Variants in SCHIP1 observed in about 807,000 individuals in gnomAD.
SCHIP1 encodes the protein schwannomin interacting protein 1, also known as schwannomin-interacting protein 1.
SCHIP1 carries 8 observed loss-of-function variants against 29.7 expected under a neutral mutation model. The observed-to-expected ratio is 0.27, with a 90% CI of 0.16 to 0.49. The LOEUF (loss-of-function observed/expected upper bound fraction) is 0.49, where lower values mean the gene tolerates loss of function less well. Among genes scored for constraint, SCHIP1 ranks in the 20% least tolerant of loss-of-function variants. The pLI, the probability that SCHIP1 is intolerant of heterozygous loss-of-function variation, is 0.99. For synonymous variants in SCHIP1, 76 were observed against 94.9 expected, an observed-to-expected ratio of 0.80 and a Z score of 1.16; for missense variants, 193 against 294.6, an observed-to-expected ratio of 0.66 and a Z score of 2.52.
At chr3:159,485,258 G>A in the SCHIP1 span, among the ~76,000 whole-genome samples, 4 of 152,192 alleles carry the variant, frequency 2.6e-5, no homozygotes, top group African/African-American at 9.6e-5. Context: ...GGTCAGGTCC[G>A]TAGTGGCTCA....
At chr3:159,422,224 T>C in the SCHIP1 span, among the ~76,000 whole-genome samples, 1 of 152,186 alleles carries the variant, frequency 6.6e-6, no homozygotes, top group South Asian at 2.1e-4. Flanking sequence ...AATGGATTGC[T>C]AGGTAGGAAA....
At chr3:159,703,685 T>G in the SCHIP1 span, among the ~76,000 whole-genome samples, 1 of 152,210 alleles carries the variant, frequency 6.6e-6, no homozygotes. Flanking sequence ...GTGGATGGCT[T>G]CCACTTAGGC....
the SCHIP1 span, among the ~76,000 whole-genome samples, chr3:159,419,305 A>C: frequency 9.9e-5 from 15 of 152,138 alleles, no homozygotes; most frequent in Admixed American, 9.8e-4. Flanking sequence ...GCTGTGTGTG[A>C]AGCACCTAGC....
the SCHIP1 span, chr3:159,274,298 A>C: frequency 8.1e-6 from 8 of 984,898 alleles, no homozygotes; most frequent in Non-Finnish European, 9.6e-6. Flanking sequence ...TCAGTGTTAA[A>C]CTTTTTCAAT....
chr3:159,381,577 ATCATCATT>A, the SCHIP1 span, among the ~76,000 whole-genome samples: 1 of 151,878 alleles, frequency 6.6e-6, no homozygotes, highest in African/African-American at 2.4e-5. Context: ...GGTCTCAGCC[ATCATCATT>A]TCTCACCTGG....
chr3:159,822,904 C>T, the SCHIP1 span, among the ~76,000 whole-genome samples: 2 of 151,798 alleles, frequency 1.3e-5, no homozygotes, highest in Non-Finnish European at 2.9e-5. Flanking sequence ...ATCCAACAGG[C>T]TGTTTGGCAA....
chr3:159,512,589 A>C, the SCHIP1 span, among the ~76,000 whole-genome samples: 1 of 152,348 alleles, frequency 6.6e-6, no homozygotes, highest in South Asian at 2.1e-4. Flanking sequence ...GGTACATAGT[A>C]GGTGTATATA....
intron 1 of SCHIP1, chr3:159,845,292 T>A (rs972336836): frequency 6.6e-6 from 1 of 152,176 alleles, no homozygotes; most frequent in African/African-American, 2.4e-5. Flanking sequence ...GATTTCTCCT[T>A]CTCAGTACAT....
the SCHIP1 span, among the ~76,000 whole-genome samples, chr3:159,742,860 G>GTTTTTTTTT: frequency 1.5e-5 from 2 of 134,206 alleles, no homozygotes. Context: ...TTTTTTTTTG[G>GTTTTTTTTT]ATTTTTAGTA....
At chr3:159,774,905 C>A in the SCHIP1 span, among the ~76,000 whole-genome samples, 4 of 152,138 alleles carry the variant, frequency 2.6e-5, no homozygotes, top group Non-Finnish European at 4.4e-5. Context: ...AATCAAATAA[C>A]CTCTTTGGCT....
the SCHIP1 span, among the ~76,000 whole-genome samples, chr3:159,680,582 TATATA>T: frequency 1.5e-3 from 163 of 109,110 alleles, 1 homozygote; most frequent in Non-Finnish European, 2.3e-3. Flanking sequence ...AATATATCTA[TATATA>T]ATATATGTAT....
chr3:159,425,294 C>T, the SCHIP1 span, among the ~76,000 whole-genome samples: 1 of 151,992 alleles, frequency 6.6e-6, no homozygotes, highest in Non-Finnish European at 1.5e-5. Flanking sequence ...ATTCAGGAAA[C>T]CCATCTCACA....
chr3:159,562,813 G>T, the SCHIP1 span, among the ~76,000 whole-genome samples: 1 of 152,064 alleles, frequency 6.6e-6, no homozygotes, highest in South Asian at 2.1e-4. Flanking sequence ...CACAATTGGT[G>T]CAATTTTTAC....
chr3:159,629,347 C>G, the SCHIP1 span, among the ~76,000 whole-genome samples: 10 of 152,164 alleles, frequency 6.6e-5, no homozygotes, highest in African/African-American at 2.2e-4. Flanking sequence ...TAAGTCTTCT[C>G]CATTTGCTTA....
the SCHIP1 span, among the ~76,000 whole-genome samples, chr3:159,789,696 A>G: frequency 0.14 from 21,842 of 152,268 alleles, 1,603 homozygotes; most frequent in East Asian, 0.22. Context: ...TGAGAATGAT[A>G]AGATTACATA....
chr3:159,439,304 G>A, the SCHIP1 span, among the ~76,000 whole-genome samples: 3 of 152,152 alleles, frequency 2.0e-5, no homozygotes, highest in Non-Finnish European at 4.4e-5. Context: ...CATAGTTGGG[G>A]AGGCTTCAGA....
chr3:159,763,316 A>T, the SCHIP1 span, among the ~76,000 whole-genome samples: 1 of 151,818 alleles, frequency 6.6e-6, no homozygotes, highest in Non-Finnish European at 1.5e-5. Context: ...GAGGTCCTTC[A>T]CAGGGTCACT....
intron 1 of SCHIP1, among the ~76,000 whole-genome samples, chr3:159,864,470 T>TAC (rs58371525): frequency 0.063 from 8,818 of 139,824 alleles, 323 homozygotes; most frequent in African/African-American, 0.11. Flanking sequence ...ATGGCTGTAC[T>TAC]ACACACACAC....
intron 5 of SCHIP1, among the ~76,000 whole-genome samples, chr3:159,891,381 AAAGG>A (rs1003110379): frequency 1.7e-4 from 26 of 151,956 alleles, no homozygotes; most frequent in African/African-American, 4.6e-4. Flanking sequence ...AAAAAAAGAA[AAAGG>A]AAGGAAGGAA....
Sources: gnomAD v4.1 joint callset for allele counts (sites outside exome capture counted in the v4.1 genomes callset) on GRCh38, gnomAD v4.1.1 for gene constraint, MANE v1.5 for transcripts, NCBI Gene and HGNC (gene_info 2026-07-23, HGNC 2026-07-21) for gene names.